The following GC variants were observed in gnomAD, a reference collection of about 807,000 sequenced individuals.
GC encodes vitamin D-binding protein.
Under a neutral mutation model 56.7 loss-of-function variants are expected in GC, and 43 were observed. The ratio of observed to expected loss-of-function variants is 0.76; its 90% CI spans 0.59 to 0.98. The LOEUF is 0.98. GC is among the 50% of genes least tolerant of loss of function. The pLI, the probability that GC is intolerant of heterozygous loss-of-function variation, is 0.00. For missense variants in GC, 529 were observed against 545.9 expected (o/e 0.97, Z 0.31); for synonymous variants, 216 against 202.7 (o/e 1.07, Z -0.56).
chr4:71,792,510 TG>T (rs1272001404), intron 1 of GC, among the ~76,000 whole-genome samples: 2 of 152,212 alleles, frequency 1.3e-5, no homozygotes, highest in African/African-American at 2.4e-5. Context: ...TGGGGCTCTT[TG>T]TTTTTTTTCT....
intron 6 of GC, among the ~76,000 whole-genome samples, chr4:71,761,768 G>A (rs765160305): frequency 2.0e-5 from 3 of 152,220 alleles, no homozygotes; most frequent in Non-Finnish European, 4.4e-5. Flanking sequence ...GAGAGTGTAA[G>A]CCTCAAGCCT....
Position 71,784,054 on chromosome 4 carries a change from C to T in GC, c.-36G>A. ...GAGAGTCTTGCAGCACCTCCTCTCT[C>T]CTGTAGGTGACCATGTAAAAGTGGT... is the stretch of plus-strand genomic sequence containing the variant. On this transcript the variant is annotated 5_prime_UTR_variant, in exon 1 of 13. Coordinates refer to ENST00000273951, the MANE Select transcript of GC (RefSeq NM_000583.4). 6.3e-7 allele frequency: 1 copy of T among 1,589,126 alleles called. No homozygotes were observed. The highest frequency in any genetic ancestry group is 8.6e-7 in the Non-Finnish European group (1 of 1,166,364).
At chr4:71,751,920 T>C (rs2149294639) in intron 11 of GC, among the ~76,000 whole-genome samples, 1 of 152,272 alleles carries the variant, frequency 6.6e-6, no homozygotes, top group African/African-American at 2.4e-5. Context: ...ATGAAACATT[T>C]ATGTGACCTT....
chr4:71,798,938 T>A lies in GC; in HGVS notation c.21+4988A>T, dbSNP rs184075510. On this transcript the variant is annotated intron_variant, in intron 1 of 13. Transcript: ENST00000504199. The stretch of plus-strand genomic sequence containing the variant: ...CAGAATTACTGAGATATAATTTAAA[T>A]ACAAAACATTCACTCTTTTAAAGTA... Among the ~76,000 whole-genome samples the A allele has an allele frequency of 1.7e-4, 26 of 152,340 alleles. 2 individuals are homozygous for A. The highest frequency in any genetic ancestry group is 6.3e-4 in the African/African-American group (26 of 41,590).
intron 1 of GC, among the ~76,000 whole-genome samples, chr4:71,771,477 C>A (rs542272723): frequency 1.3e-5 from 2 of 151,888 alleles, no homozygotes; most frequent in Non-Finnish European, 2.9e-5. Flanking sequence ...TGAGAAAAGT[C>A]GGATTTGATA....
At chr4:71,744,383 C>T (rs1304181170) in intron 12 of GC, among the ~76,000 whole-genome samples, 1 of 142,206 alleles carries the variant, frequency 7.0e-6, no homozygotes, top group African/African-American at 2.7e-5. Context: ...GGCGTGAACC[C>T]AGGAGGCGGT....
intron 1 of GC, among the ~76,000 whole-genome samples, chr4:71,772,001 C>T (rs1742359028): frequency 6.6e-6 from 1 of 152,088 alleles, no homozygotes; most frequent in Admixed American, 6.6e-5. Context: ...CCAACTGTGT[C>T]TATTTTATAA....
chr4:71,784,212 A>T, upstream of GC: 1 of 1,274,498 alleles, frequency 7.8e-7, no homozygotes, highest in East Asian at 3.1e-5. Context: ...CAAAAGAGAT[A>T]AAATAATATC....
rs765335898 is a variant in GC at position 71,763,796 on chromosome 4, G to T, written c.606+8C>A. ...ACGTAAACATATAATAAGTAAAATG[G>T]GACATACCTCTTTCAAAAAGCATAC... is the stretch of plus-strand genomic sequence containing the variant. On this transcript the variant is annotated splice_region_variant and intron_variant, in intron 5 of 12. Transcript: ENST00000273951. 8.1e-6 allele frequency: 13 copies of T among 1,606,756 alleles called. No individual in the cohort carries two copies. The highest frequency in any genetic ancestry group is 1.0e-5 in the Non-Finnish European group (12 of 1,175,444).
intron 1 of GC, among the ~76,000 whole-genome samples, chr4:71,796,398 C>T (rs1247415059): frequency 6.6e-6 from 1 of 152,078 alleles, no homozygotes; most frequent in Non-Finnish European, 1.5e-5. Flanking sequence ...TCTTTTCACT[C>T]TATTTCATTA....
At chr4:71,786,606 G>A (rs1742845748), upstream of GC, among the ~76,000 whole-genome samples, 1 of 151,734 alleles carries the variant, frequency 6.6e-6, no homozygotes, top group South Asian at 2.1e-4. Flanking sequence ...CTTGCCATTG[G>A]CTTCAGAGGA....
At chr4:71,742,183 A>G (rs1361139841) in intron 12 of GC, among the ~76,000 whole-genome samples, 2 of 152,184 alleles carry the variant, frequency 1.3e-5, no homozygotes, top group African/African-American at 2.4e-5. Context: ...CTCTATGGTA[A>G]TAACAATTAT....
intron 11 of GC, among the ~76,000 whole-genome samples, chr4:71,747,921 A>G (rs368157950): frequency 3.4e-4 from 52 of 152,312 alleles, no homozygotes; most frequent in East Asian, 1.9e-3. Flanking sequence ...CCAACCTGGT[A>G]TCATTTTTGC....
At chr4:71,793,803 A>T (rs992044859) in intron 1 of GC, among the ~76,000 whole-genome samples, 9 of 152,140 alleles carry the variant, frequency 5.9e-5, no homozygotes, top group African/African-American at 2.2e-4. Context: ...TGTGATAAAT[A>T]GCTCTTATTA....
At chr4:71,754,594 G>A in intron 9 of GC, 86 bp from the exon 10 acceptor site, 2 of 757,874 alleles carry the variant, frequency 2.6e-6, no homozygotes, top group South Asian at 1.6e-5. Flanking sequence ...TCCAAATATT[G>A]TATCATTAAG....
At chr4:71,801,566 A>T (rs1263463256) in intron 1 of GC, among the ~76,000 whole-genome samples, 2 of 152,124 alleles carry the variant, frequency 1.3e-5, no homozygotes, top group Non-Finnish European at 2.9e-5. Context: ...AGAAATCTCA[A>T]ACTTATATCA....
chr4:71,796,990 C>T (rs1208034568), intron 1 of GC, among the ~76,000 whole-genome samples: 1 of 152,174 alleles, frequency 6.6e-6, no homozygotes, highest in Non-Finnish European at 1.5e-5. Context: ...TGGGTGTCAC[C>T]AGTGGAGGCT....
chr4:71,766,074 T>G (rs573162262), intron 3 of GC, among the ~76,000 whole-genome samples: 1 of 152,318 alleles, frequency 6.6e-6, no homozygotes, highest in African/African-American at 2.4e-5. Flanking sequence ...AGGACCTCCC[T>G]CTGTTTATTA....
upstream of GC, among the ~76,000 whole-genome samples, chr4:71,785,086 C>T (rs1444456387): frequency 2.0e-5 from 3 of 151,654 alleles, no homozygotes; most frequent in African/African-American, 7.3e-5. Flanking sequence ...AGCTGTGTAA[C>T]CTTGGGAAAT....
Sources: allele counts gnomAD v4.1 joint callset (sites outside exome capture counted in the v4.1 genomes callset), GRCh38; gene constraint gnomAD v4.1.1; transcripts MANE v1.5; gene names NCBI Gene and HGNC (gene_info 2026-07-23, HGNC 2026-07-21).